ZEB2: variants seen among roughly 807,000 people sequenced by gnomAD.
ZEB2 encodes the protein zinc finger E-box-binding homeobox 2.
ZEB2 carries 6 observed loss-of-function variants against 99.9 expected under a neutral mutation model. The ratio of observed to expected loss-of-function variants is 0.06; its 90% CI spans 0.03 to 0.12. ZEB2 has a LOEUF of 0.12. Ranked by LOEUF, ZEB2 falls within the 10% of genes least tolerant of loss-of-function variation. The probability of loss-of-function intolerance (pLI) is 1.00; values close to 1 mark genes in which losing one functional copy is unlikely to be tolerated. For missense variants in ZEB2, 969 were observed against 1,502.8 expected, an observed-to-expected ratio of 0.64 and a Z score of 5.87; for synonymous variants, 517 against 542.5, an observed-to-expected ratio of 0.95 and a Z score of 0.65.
intron 2 of ZEB2, among the ~76,000 whole-genome samples, chr2:144,485,427 A>G (rs537629878): frequency 3.9e-5 from 6 of 152,240 alleles, no homozygotes; most frequent in African/African-American, 1.2e-4. Flanking sequence ...ATCTGCAGGG[A>G]TTCTTTTAAA....
chr2:144,479,149 T>C (rs529024221), intron 2 of ZEB2, among the ~76,000 whole-genome samples: 28 of 152,358 alleles, frequency 1.8e-4, no homozygotes, highest in African/African-American at 6.7e-4. Flanking sequence ...ATTTTTACTT[T>C]TCTTTTGCTA....
chr2:144,388,936 GAAA>G lies in ZEB2; in HGVS notation c.*512_*514del. The G allele has an allele frequency of 2.7e-6, 1 of 372,136 alleles. No homozygotes were observed. 23.1% of individuals were successfully genotyped at this position (372,136 alleles called of 1,614,324 possible). A position where few individuals can be genotyped will look rare whatever the true frequency, so the allele number is the denominator to read the frequency against. ...CTAAAATTGTGTGGTTACTTAAGCT[GAAA>G]AAAAAAATGGGAAATTGATGAATAG... On this transcript the variant is annotated 3_prime_UTR_variant, in exon 10 of 10. Coordinates refer to ENST00000627532, the MANE Select transcript of ZEB2 (RefSeq NM_014795.4). The surrounding 1 kb of genome is among the most constrained non-coding windows in gnomAD (Gnocchi z 5.4).
intron 2 of ZEB2, chr2:144,512,941 A>C (rs1197552191): frequency 7.8e-7 from 1 of 1,287,258 alleles, no homozygotes; most frequent in South Asian, 1.2e-5. Context: ...GCTCCCTAGA[A>C]GCTCATCAAC....
chr2:144,455,943 C>T (rs941525444), intron 2 of ZEB2, among the ~76,000 whole-genome samples: 6 of 152,076 alleles, frequency 3.9e-5, no homozygotes, highest in African/African-American at 1.4e-4. Context: ...AAAAGGACAA[C>T]ATATTTTCCA....
chr2:144,517,736 C>A (rs985072594), intron 1 of ZEB2: 2 of 699,856 alleles, frequency 2.9e-6, no homozygotes, highest in African/African-American at 3.5e-5. Context: ...TGACTCAGGG[C>A]TAGGCGGACC....
intron 2 of ZEB2, among the ~76,000 whole-genome samples, chr2:144,487,744 T>G (rs995722786): frequency 6.6e-6 from 1 of 152,130 alleles, no homozygotes; most frequent in Non-Finnish European, 1.5e-5. Flanking sequence ...ACAAGTAAGA[T>G]CTCTGAAAAA....
At chr2:144,489,562 G>T (rs1704647291) in intron 2 of ZEB2, among the ~76,000 whole-genome samples, 1 of 152,186 alleles carries the variant, frequency 6.6e-6, no homozygotes, top group South Asian at 2.1e-4. Context: ...TTACTAGAAT[G>T]ATGCTATTAT....
Position 144,387,704 on chromosome 2 carries a change from T to TA in ZEB2, c.*1746dup, listed in dbSNP as rs1703104349. Reference sequence around the variant, plus strand: ...CCCCTTGGACAGAGAAGTGAATTTTTAACACATAATCTCTAAATACTCGTA... The same window carrying TA: ...CCCCTTGGACAGAGAAGTGAATTTTTAAACACATAATCTCTAAATACTCGTA... On this transcript the variant is annotated 3_prime_UTR_variant, in exon 10 of 10. Coordinates refer to ENST00000627532, the MANE Select transcript of ZEB2 (RefSeq NM_014795.4). 1 of 152,302 alleles carries TA rather than the reference T, an allele frequency of 6.6e-6. No homozygotes were observed. Among genetic ancestry groups the TA allele is most frequent in the Middle Eastern group, 3.4e-3 (1 of 294 alleles). The allele number at this position is 152,302 out of a possible 1,614,324, so 9.4% of individuals were successfully genotyped here. A position where few individuals can be genotyped will look rare whatever the true frequency, so the allele number is the denominator to read the frequency against.
In ZEB2 at chr2:144,513,183, T is replaced by A. The variant is rs565680990; in HGVS notation, c.73+4095A>T. ...CTCTGAAACGGGAGCAACTTCTCCGTCCCTCATTGCCTCTAACCATCACTA... is the reference window on the plus strand; with the variant it reads ...CTCTGAAACGGGAGCAACTTCTCCGACCCTCATTGCCTCTAACCATCACTA... On this transcript the variant is annotated intron_variant, in intron 2 of 9. Transcript: ENST00000627532. 2.0e-5 allele frequency: 26 copies of A among 1,286,852 alleles called. No individual in the cohort carries two copies. The South Asian group carries it at 3.1e-4, about 15-fold the overall frequency. 79.7% of individuals were successfully genotyped at this position (1,286,852 alleles called of 1,614,324 possible).
At chr2:144,457,236 C>T (rs1704132963) in intron 2 of ZEB2, among the ~76,000 whole-genome samples, 1 of 152,090 alleles carries the variant, frequency 6.6e-6, no homozygotes, top group African/African-American at 2.4e-5. Context: ...TCCACTTGCT[C>T]CTCATAACAA....
intron 2 of ZEB2, among the ~76,000 whole-genome samples, chr2:144,465,988 C>A (rs927143648): frequency 6.6e-6 from 1 of 152,130 alleles, no homozygotes; most frequent in African/African-American, 2.4e-5. Context: ...CTCTCCAGGG[C>A]AGAACTTTCC....
chr2:144,498,583 C>A, intron 2 of ZEB2, among the ~76,000 whole-genome samples: 1 of 152,144 alleles, frequency 6.6e-6, no homozygotes, highest in Non-Finnish European at 1.5e-5. Flanking sequence ...ATGGAGTTAA[C>A]TGGTGACCTT....
intron 9 of ZEB2, among the ~76,000 whole-genome samples, chr2:144,393,067 C>A (rs1192719843): frequency 6.6e-6 from 1 of 152,158 alleles, no homozygotes; most frequent in Admixed American, 6.5e-5. Flanking sequence ...ACAGAGAAAG[C>A]ACTCAATAAA....
intron 9 of ZEB2, among the ~76,000 whole-genome samples, chr2:144,393,206 C>G (rs771973810): frequency 1.3e-5 from 2 of 152,156 alleles, no homozygotes; most frequent in Non-Finnish European, 2.9e-5. Flanking sequence ...CATAGTGTTT[C>G]CCTCCTCTGT....
At chr2:144,429,695 T>C in intron 3 of ZEB2, 74 bp downstream of exon 3, 1 of 1,609,512 alleles carries the variant, frequency 6.2e-7, no homozygotes, top group South Asian at 1.1e-5. Context: ...TTGTGGGCGA[T>C]CTGCTAGGTG....
At position 144,517,770 on chromosome 2, in the gene ZEB2, C is replaced by T. The variant is rs1705186652; in HGVS notation, c.-69-351G>A. 18 of 686,210 alleles carry T rather than the reference C, an allele frequency of 2.6e-5. No individual in the cohort carries two copies. In the Admixed American group the frequency reaches 3.7e-4, roughly 14 times the overall value. 42.5% of individuals were successfully genotyped at this position (686,210 alleles called of 1,614,324 possible). ...CCCTTTCCTTCGAAAAGTCCTCAGCCCCCGGCTCGGGAACTTGGGGTGAGG... is the reference window on the plus strand; with the variant it reads ...CCCTTTCCTTCGAAAAGTCCTCAGCTCCCGGCTCGGGAACTTGGGGTGAGG... On this transcript the variant is annotated intron_variant, in intron 1 of 9. Transcript: ENST00000627532.
chr2:144,390,048 G>C lies in ZEB2; in HGVS notation c.3068-20C>G. On this transcript the variant is annotated intron_variant, in intron 9 of 9. Transcript: ENST00000627532. Reference sequence around the variant, plus strand: ...TTTTTCCTGGGAGAAAGAACAAGATGACAGGGTGATTAGTGTCTTTGCATG... The same window carrying C: ...TTTTTCCTGGGAGAAAGAACAAGATCACAGGGTGATTAGTGTCTTTGCATG... 2 of 1,598,610 alleles carry C rather than the reference G, an allele frequency of 1.3e-6. No homozygotes were observed. Among genetic ancestry groups the C allele is most frequent in the Non-Finnish European group, 1.7e-6 (2 of 1,179,152 alleles).
At chr2:144,517,133 G>A in intron 2 of ZEB2, 145 bp downstream of exon 2, 1 of 845,106 alleles carries the variant, frequency 1.2e-6, no homozygotes, top group Non-Finnish European at 1.6e-6. Flanking sequence ...CCGGGCTCCG[G>A]CGCCGGCCGC....
chr2:144,424,539 T>G (rs1703664467), intron 4 of ZEB2: 1 of 636,936 alleles, frequency 1.6e-6, no homozygotes, highest in East Asian at 3.0e-5. Flanking sequence ...ACTCATGCAC[T>G]GAAAGGATCC....
Sources: allele counts gnomAD v4.1 joint callset (sites outside exome capture counted in the v4.1 genomes callset), GRCh38; gene constraint gnomAD v4.1.1; non-coding constraint Gnocchi (gnomAD v3.1); transcripts MANE v1.5; gene names NCBI Gene and HGNC (gene_info 2026-07-23, HGNC 2026-07-21).